The following CRIM1 variants were observed in gnomAD, a reference collection of about 807,000 sequenced individuals.
CRIM1 encodes cysteine rich transmembrane BMP regulator 1.
In CRIM1, 32 loss-of-function variants were observed where a neutral mutation model predicts 116.4. That is an observed-to-expected ratio of 0.27 (90% CI 0.21 to 0.37). The LOEUF is 0.37. Ranked by LOEUF, CRIM1 falls within the 10% of genes least tolerant of loss-of-function variation. CRIM1 has a pLI of 1.00. For missense variants in CRIM1, 1,331 were observed against 1,354.8 expected (o/e 0.98, Z 0.28); for synonymous variants, 590 against 509.2 (o/e 1.16, Z -2.13).
At chr2:36,430,918 G>A (rs1194575310) in intron 2 of CRIM1, among the ~76,000 whole-genome samples, 3 of 152,188 alleles carry the variant, frequency 2.0e-5, no homozygotes, top group Non-Finnish European at 2.9e-5. Flanking sequence ...TGTAGAAATA[G>A]CTGAGAACAG....
intron 15 of CRIM1, among the ~76,000 whole-genome samples, chr2:36,546,565 C>A (rs1157527977): frequency 3.9e-5 from 6 of 152,038 alleles, no homozygotes; most frequent in African/African-American, 1.4e-4. Context: ...AAAGAACATA[C>A]TTTGTTCTAG....
intron 2 of CRIM1, among the ~76,000 whole-genome samples, chr2:36,421,247 T>C (rs1232004976): frequency 6.6e-6 from 1 of 152,222 alleles, no homozygotes; most frequent in Non-Finnish European, 1.5e-5. Flanking sequence ...TATGTGCTTT[T>C]TCCTGATTAA....
In CRIM1 at chr2:36,394,931, T is replaced by G. The variant is rs116521468; in HGVS notation, c.332-1683T>G. ...ATTTCAGTCAGGAAGAGCAGACTTT[T>G]ACTTCACTTACGTACTGAGCAATGA... On this transcript the variant is annotated intron_variant, in intron 1 of 16. Transcript: ENST00000280527. 5.4e-3 allele frequency among the ~76,000 whole-genome samples: 823 copies of G among 152,136 alleles called. 7 individuals are homozygous for G. The highest frequency in any genetic ancestry group is 0.018 in the African/African-American group (731 of 41,522).
At chr2:36,530,631 C>T (rs373974336) in intron 13 of CRIM1, among the ~76,000 whole-genome samples, 2 of 152,166 alleles carry the variant, frequency 1.3e-5, no homozygotes, top group Admixed American at 6.5e-5. Flanking sequence ...AGTACTTCCC[C>T]TATTCTTGCC....
At chr2:36,541,052 C>G (rs904996998) in intron 14 of CRIM1, among the ~76,000 whole-genome samples, 1 of 152,174 alleles carries the variant, frequency 6.6e-6, no homozygotes, top group Non-Finnish European at 1.5e-5. Flanking sequence ...TAAGCAAATA[C>G]TGCAATCAGT....
At position 36,547,182 on chromosome 2, in the gene CRIM1, G is replaced by A. The variant is rs1283213099; in HGVS notation, c.2934+11G>A. 2.5e-6 allele frequency: 4 copies of A among 1,599,230 alleles called. No individual in the cohort carries two copies. The highest frequency in any genetic ancestry group is 3.4e-6 in the Non-Finnish European group (4 of 1,171,006). On this transcript the variant is annotated intron_variant, in intron 16 of 16. Transcript: ENST00000280527. ...CGAACACCAACTAAGGTACTGTCTT[G>A]CAAAAGTTAGTCTCTTGAATGATGA... is the stretch of plus-strand genomic sequence containing the variant.
chr2:36,360,540 A>G (rs1301544305), intron 1 of CRIM1, among the ~76,000 whole-genome samples: 3 of 152,186 alleles, frequency 2.0e-5, no homozygotes, highest in African/African-American at 4.8e-5. Flanking sequence ...TAAGAGAACT[A>G]TGTATACATA....
At chr2:36,408,056 A>T (rs1558550125) in intron 2 of CRIM1, among the ~76,000 whole-genome samples, 1 of 152,190 alleles carries the variant, frequency 6.6e-6, no homozygotes, top group Non-Finnish European at 1.5e-5. Context: ...GGAGCACCAG[A>T]AGTTGTAGGT....
chr2:36,531,698 T>A (rs933264925), intron 13 of CRIM1: 4 of 306,708 alleles, frequency 1.3e-5, no homozygotes, highest in African/African-American at 8.9e-5. Context: ...GGAAAGGAAT[T>A]AACATTTCAA....
In CRIM1 at chr2:36,433,549, A is replaced by G. The variant is rs886181109; in HGVS notation, c.506-7709A>G. 4.6e-5 allele frequency among the ~76,000 whole-genome samples: 7 copies of G among 152,316 alleles called. No individual in the cohort carries two copies. In the East Asian group the frequency reaches 5.8e-4, roughly 13 times the overall value. On this transcript the variant is annotated intron_variant, in intron 2 of 16. Transcript: ENST00000280527. ...AAAGATTCTCTGTTTGCTTGGAGTA[A>G]GGCAGTGGTTCTCAGGCCCAATTGC...
At position 36,378,441 on chromosome 2, in the gene CRIM1, C is replaced by T. The variant is rs143846443; in HGVS notation, c.332-18173C>T. On this transcript the variant is annotated intron_variant, in intron 1 of 16. Transcript: ENST00000280527. ...AATGGTCCCCCAAATGGTCCAGATG[C>T]AACAGTAGGGAAAGGAGTGCCACCA... 323 of 470,432 alleles carry T rather than the reference C, an allele frequency of 6.9e-4. 1 individual carries two copies. The highest frequency in any genetic ancestry group is 5.5e-3 in the African/African-American group (275 of 50,152). 29.1% of individuals were successfully genotyped at this position (470,432 alleles called of 1,614,324 possible).
Position 36,464,660 on chromosome 2 carries a change from G to A in CRIM1, c.991+5G>A. ...ATGTCTTTGAATGTGTTAATGGTAC[G>A]TGGGGTTTCTCTTGTTCTCAGAGAG... On this transcript the variant is annotated splice_donor_5th_base_variant and intron_variant, in intron 5 of 16. Coordinates refer to ENST00000280527, the MANE Select transcript of CRIM1 (RefSeq NM_016441.3). 2 of 1,613,936 alleles carry A rather than the reference G, an allele frequency of 1.2e-6. No homozygotes were observed. The highest frequency in any genetic ancestry group is 1.7e-6 in the Non-Finnish European group (2 of 1,179,848).
chr2:36,470,585 G>GATT (rs773168724), intron 5 of CRIM1, among the ~76,000 whole-genome samples: 14 of 152,176 alleles, frequency 9.2e-5, no homozygotes, highest in Non-Finnish European at 1.8e-4. Flanking sequence ...ATGGTTTATT[G>GATT]ATTATTTTAA....
At chr2:36,474,165 G>A (rs188807665) in intron 5 of CRIM1, among the ~76,000 whole-genome samples, 2 of 151,912 alleles carry the variant, frequency 1.3e-5, no homozygotes, top group Non-Finnish European at 2.9e-5. Flanking sequence ...CTGTTCAAAG[G>A]TTTGCCCGTT....
At chr2:36,429,643 T>TA (rs1279729332) in intron 2 of CRIM1, among the ~76,000 whole-genome samples, 1 of 152,174 alleles carries the variant, frequency 6.6e-6, no homozygotes, top group Non-Finnish European at 1.5e-5. Context: ...TGGTGGAGCT[T>TA]ACAAGAGACT....
chr2:36,512,750 C>G (rs1045988188), intron 10 of CRIM1, among the ~76,000 whole-genome samples: 10 of 152,136 alleles, frequency 6.6e-5, no homozygotes, highest in African/African-American at 2.4e-4. Context: ...GTAAATAGCC[C>G]CATTTCAAAG....
At chr2:36,473,881 G>A (rs1458158899) in intron 5 of CRIM1, among the ~76,000 whole-genome samples, 6 of 152,070 alleles carry the variant, frequency 3.9e-5, no homozygotes, top group Non-Finnish European at 8.8e-5. Flanking sequence ...ATATACCTAG[G>A]AGTAGAGTTG....
At chr2:36,488,664 A>C (rs1558360981) in intron 7 of CRIM1, among the ~76,000 whole-genome samples, 1 of 152,184 alleles carries the variant, frequency 6.6e-6, no homozygotes, top group Non-Finnish European at 1.5e-5. Context: ...TTTACACCTC[A>C]GTGGAGTTTA....
At chr2:36,371,049 ATTC>A (rs886236919) in intron 1 of CRIM1, among the ~76,000 whole-genome samples, 2 of 152,188 alleles carry the variant, frequency 1.3e-5, no homozygotes, top group African/African-American at 4.8e-5. Context: ...TGGTCAACAC[ATTC>A]TTCTTAATAT....
Sources: allele counts gnomAD v4.1 joint callset (sites outside exome capture counted in the v4.1 genomes callset), GRCh38; gene constraint gnomAD v4.1.1; transcripts MANE v1.5; gene names NCBI Gene and HGNC (gene_info 2026-07-23, HGNC 2026-07-21).